Variants in ACCS observed in about 807,000 individuals in gnomAD.
The protein encoded by ACCS is 1-aminocyclopropane-1-carboxylate synthase-like protein 1.
A neutral mutation model predicts 59.8 loss-of-function variants in ACCS; 42 were observed. That is an observed-to-expected ratio of 0.70 (90% CI 0.55 to 0.91). The LOEUF is 0.91. Ranked by LOEUF, ACCS falls within the 40% of genes least tolerant of loss-of-function variation. The pLI is 0.00. For synonymous variants in ACCS, 230 were observed against 240.3 expected, an observed-to-expected ratio of 0.96 and a Z score of 0.40; for missense variants, 602 against 630.4, an observed-to-expected ratio of 0.95 and a Z score of 0.48.
At chr11:44,079,696 C>A in intron 10 of ACCS, 76 bp downstream of exon 10, 1 of 1,375,062 alleles carries the variant, frequency 7.3e-7, no homozygotes, top group Non-Finnish European at 1.0e-6. Flanking sequence ...TGGCTCAGCC[C>A]ACAGGGCATG....
intron 2 of ACCS, among the ~76,000 whole-genome samples, chr11:44,068,849 T>C (rs754680074): frequency 2.0e-5 from 3 of 152,244 alleles, no homozygotes; most frequent in Non-Finnish European, 2.9e-5. Context: ...ACCATGTAGA[T>C]GTGAACAGAA....
At position 44,066,412 on chromosome 11, in the gene ACCS, T is replaced by C. The variant is rs766553142; in HGVS notation, c.-290T>C. ...AAAGCCTCTGCCCTTCCATCTCGAATCCCTTGGCGCCGATCACACTTCCTC... is the reference window on the plus strand; with the variant it reads ...AAAGCCTCTGCCCTTCCATCTCGAACCCCTTGGCGCCGATCACACTTCCTC... On this transcript the variant is annotated 5_prime_UTR_variant, in exon 1 of 15. Transcript: ENST00000263776. 2.0e-5 allele frequency: 3 copies of C among 152,312 alleles called. No homozygotes were observed. Among genetic ancestry groups the C allele is most frequent in the Non-Finnish European group, 4.4e-5 (3 of 68,126 alleles). The allele number at this position is 152,312 out of a possible 1,614,324, so 9.4% of individuals were successfully genotyped here.
intron 4 of ACCS, 88 bp from the exon 5 acceptor site, chr11:44,074,524 G>A: frequency 2.0e-6 from 2 of 1,005,334 alleles, no homozygotes; most frequent in Non-Finnish European, 3.2e-6. Context: ...AGTGATGGCA[G>A]CTGCCTGAGG....
intron 3 of ACCS, 182 bp from the exon 4 acceptor site, chr11:44,073,265 G>GA: frequency 1.5e-6 from 1 of 656,718 alleles, no homozygotes; most frequent in South Asian, 1.7e-5. Context: ...TTGGCTGAGT[G>GA]ACCTCACTTT....
In ACCS at chr11:44,073,454, A is replaced by T; in HGVS notation, c.356A>T (p.Gln119Leu). 6.2e-7 allele frequency: 1 copy of T among 1,607,410 alleles called. No individual in the cohort carries two copies. Among genetic ancestry groups the T allele is most frequent in the Middle Eastern group, 1.8e-4 (1 of 5,578 alleles). The change falls in exon 4 of 15, where the codon CAG becomes CTG. Residue 119 changes from glutamine to leucine, a missense_variant. Physicochemically the swap from Gln to Leu is moderately radical, Grantham distance 113 (BLOSUM62 -2). Coordinates refer to ENST00000263776, the MANE Select transcript of ACCS (RefSeq NM_032592.4). ...TTCCCTCTCTGTCCCCAGCTGAGTCAGCGCGACATGCAGAGGGTGGAGCCA... is the reference window on the plus strand; with the variant it reads ...TTCCCTCTCTGTCCCCAGCTGAGTCTGCGCGACATGCAGAGGGTGGAGCCA... ...CFDLLSWRLS[Q>L]RDMQRVEPSL...
chr11:44,073,510 C>A lies in ACCS; in HGVS notation c.412C>A (p.His138Asn). The A allele has an allele frequency of 6.2e-7, 1 of 1,607,932 alleles. No homozygotes were observed. Among genetic ancestry groups the A allele is most frequent in the Non-Finnish European group, 8.5e-7 (1 of 1,177,264 alleles). ...GCTGCAGTATGCTGACTGGAGGGGA[C>A]ATCTGTTGTAAGTAGTTGCCATAGG... is the stretch of plus-strand genomic sequence containing the variant. ...SLLQYADWRG[H>N]LFLREEVAKF... The change falls in exon 4 of 15, where the codon CAT becomes AAT. Residue 138 changes from histidine to asparagine, a missense_variant. Coordinates refer to ENST00000263776, the MANE Select transcript of ACCS (RefSeq NM_032592.4).
chr11:44,077,426 A>G, intron 7 of ACCS, 50 bp downstream of exon 7: 4 of 1,610,422 alleles, frequency 2.5e-6, no homozygotes, highest in South Asian at 1.1e-5. Flanking sequence ...TGTGGTCAAG[A>G]GTTTCCTGGG....
At chr11:44,078,201 T>C in intron 8 of ACCS, 1 of 448,954 alleles carries the variant, frequency 2.2e-6, no homozygotes, top group Non-Finnish European at 3.9e-6. Flanking sequence ...CTGATTATGA[T>C]TCAGTGGGTC....
At chr11:44,081,412 A>G in intron 12 of ACCS, 92 bp downstream of exon 12, 1 of 1,541,726 alleles carries the variant, frequency 6.5e-7, no homozygotes. Context: ...TCCTATGAGA[A>G]TAATTTAGGG....
chr11:44,073,481 C>A lies in ACCS; in HGVS notation c.383C>A (p.Ser128Tyr). ...CGCGACATGCAGAGGGTGGAGCCAT[C>A]CCTGCTGCAGTATGCTGACTGGAGG... Reference protein sequence around the residue: ...SQRDMQRVEPSLLQYADWRGH... With the variant: ...SQRDMQRVEPYLLQYADWRGH... Residue 128 changes from serine to tyrosine, a missense_variant, in exon 4 of 15, where the codon TCC (serine) becomes TAC (tyrosine). By Grantham distance (144) the Ser-to-Tyr change is moderately radical. Transcript: ENST00000263776. The A allele has an allele frequency of 6.2e-7, 1 of 1,609,284 alleles. No individual in the cohort carries two copies. The highest frequency in any genetic ancestry group is 8.5e-7 in the Non-Finnish European group (1 of 1,178,086).
Position 44,081,029 on chromosome 11 carries a change from C to A in ACCS, c.933C>A (p.Asp311Glu), listed in dbSNP as rs765022189. Reference sequence around the variant, plus strand: ...GCTGTGCTCTCTGCAGGCTCCCTGACCCCCAGAGGACCCATGTGATGTGGG... The same window carrying A: ...GCTGTGCTCTCTGCAGGCTCCCTGAACCCCAGAGGACCCATGTGATGTGGG... ...RSVLSLERLP[D>E]PQRTHVMWAT... is the part of the protein sequence containing the mutation. The change falls in exon 11 of 15, where the codon GAC (aspartate) becomes GAA (glutamate). Residue 311 changes from aspartate to glutamate, a missense_variant. Transcript: ENST00000263776. 1.2e-6 allele frequency: 2 copies of A among 1,614,198 alleles called. No individual in the cohort carries two copies. Among genetic ancestry groups the A allele is most frequent in the Non-Finnish European group, 1.7e-6 (2 of 1,180,042 alleles).
Position 44,067,584 on chromosome 11 carries a change from A to G in ACCS, c.1-44A>G, listed in dbSNP as rs1415564177. 3.2e-6 allele frequency: 5 copies of G among 1,546,210 alleles called. No individual in the cohort carries two copies. The Admixed American group carries it at 8.0e-5, about 25-fold the overall frequency. On this transcript the variant is annotated intron_variant, in intron 1 of 14. Coordinates refer to ENST00000263776, the MANE Select transcript of ACCS (RefSeq NM_032592.4). ...CAACTCCTTTCTGATGCTTGGTGCT[A>G]TGGAAATCCCTTGAGCAGGCCTGTG...
chr11:44,075,502 A>G, intron 5 of ACCS, 24 bp from the exon 6 acceptor site: 1 of 1,612,900 alleles, frequency 6.2e-7, no homozygotes, highest in East Asian at 2.2e-5. Flanking sequence ...GTTCATCTTC[A>G]TCCCTTGGAT....
chr11:44,072,003 A>G (rs2134830190), intron 3 of ACCS, among the ~76,000 whole-genome samples: 1 of 152,254 alleles, frequency 6.6e-6, no homozygotes, highest in South Asian at 2.1e-4. Context: ...CATCTTAGCA[A>G]CCACTGACAA....
rs529688209 is a variant in ACCS at position 44,079,070 on chromosome 11, A to G, written c.833+286A>G. On this transcript the variant is annotated intron_variant, in intron 9 of 14. Coordinates refer to ENST00000263776, the MANE Select transcript of ACCS (RefSeq NM_032592.4). Reference sequence around the variant, plus strand: ...ATCCTCACAACAATGCTATCATACAATCCTCACAACAACCCTTTATGTGCC... The same window carrying G: ...ATCCTCACAACAATGCTATCATACAGTCCTCACAACAACCCTTTATGTGCC... The G allele has an allele frequency of 3.8e-5, 17 of 443,208 alleles. No individual in the cohort carries two copies. The East Asian group carries it at 6.7e-4, about 18-fold the overall frequency. 27.5% of individuals were successfully genotyped at this position (443,208 alleles called of 1,614,324 possible). A position where few individuals can be genotyped will look rare whatever the true frequency, so the allele number is the denominator to read the frequency against.
At chr11:44,075,907 T>C (rs1953339494) in intron 6 of ACCS, 1 of 266,194 alleles carries the variant, frequency 3.8e-6, no homozygotes. Context: ...GTGCCGTGCC[T>C]GTCTCTTTTT....
chr11:44,081,004 G>A lies in ACCS; in HGVS notation c.924-16G>A, dbSNP rs377534818. On this transcript the variant is annotated splice_polypyrimidine_tract_variant and intron_variant, in intron 10 of 14. Transcript: ENST00000263776. ...AGTTCTGTGTTGCCTCTGTTCCCAT[G>A]CTGTGCTCTCTGCAGGCTCCCTGAC... 4 of 1,614,150 alleles carry A rather than the reference G, an allele frequency of 2.5e-6. No homozygotes were observed. Among genetic ancestry groups the A allele is most frequent in the Non-Finnish European group, 3.4e-6 (4 of 1,180,016 alleles).
intron 10 of ACCS, among the ~76,000 whole-genome samples, chr11:44,079,857 G>T (rs1005296562): frequency 9.2e-5 from 14 of 152,212 alleles, no homozygotes; most frequent in Admixed American, 7.2e-4. Flanking sequence ...GATCCCTTAA[G>T]TTAGGGCTGA....
intron 2 of ACCS, among the ~76,000 whole-genome samples, chr11:44,069,979 A>C (rs1433545129): frequency 6.6e-6 from 1 of 152,202 alleles, no homozygotes; most frequent in Non-Finnish European, 1.5e-5. Flanking sequence ...TTCCCAGCAG[A>C]GGAAACAGCC....
Sources: allele counts gnomAD v4.1 joint callset (sites outside exome capture counted in the v4.1 genomes callset), GRCh38; gene constraint gnomAD v4.1.1; transcripts MANE v1.5; gene names NCBI Gene and HGNC (gene_info 2026-07-23, HGNC 2026-07-21).